NDUFS6: variants seen among roughly 807,000 people sequenced by gnomAD.
NDUFS6 encodes the protein NADH:ubiquinone oxidoreductase subunit S6, also known as NADH dehydrogenase [ubiquinone] iron-sulfur protein 6, mitochondrial.
NDUFS6 carries 14 observed loss-of-function variants against 13.2 expected under a neutral mutation model. The ratio of observed to expected loss-of-function variants is 1.06; its 90% CI spans 0.70 to 1.66. The LOEUF (loss-of-function observed/expected upper bound fraction) is 1.66, where lower values mean the gene tolerates loss of function less well. NDUFS6 is among the 40% of genes most tolerant of loss of function. The probability of loss-of-function intolerance (pLI) is 0.00; values close to 1 mark genes in which losing one functional copy is unlikely to be tolerated. For missense variants in NDUFS6, 206 were observed against 170.8 expected (o/e 1.21, Z -1.15); for synonymous variants, 95 against 72.3 (o/e 1.31, Z -1.60).
chr5:1,808,507 A>C (rs769091709), intron 2 of NDUFS6, among the ~76,000 whole-genome samples: 2 of 152,186 alleles, frequency 1.3e-5, no homozygotes, highest in Non-Finnish European at 2.9e-5. Flanking sequence ...GGAACTGTGA[A>C]TTCACGAGCC....
intron 2 of NDUFS6, among the ~76,000 whole-genome samples, chr5:1,805,420 A>C (rs1235992725): frequency 2.0e-5 from 3 of 152,274 alleles, no homozygotes; most frequent in African/African-American, 4.8e-5. Flanking sequence ...GTCTTTGCAG[A>C]AAAACAGTGG....
chr5:1,806,542 T>G (rs1400043913), intron 2 of NDUFS6, among the ~76,000 whole-genome samples: 2 of 152,214 alleles, frequency 1.3e-5, no homozygotes, highest in Non-Finnish European at 2.9e-5. Context: ...GCGTGCTGTT[T>G]TGTTGCGATA....
intron 2 of NDUFS6, among the ~76,000 whole-genome samples, chr5:1,810,695 C>T (rs1009151874): frequency 2.0e-5 from 3 of 152,140 alleles, no homozygotes; most frequent in Non-Finnish European, 4.4e-5. Context: ...AAGTAGTTGT[C>T]GGAGGGGCCA....
chr5:1,810,803 C>T (rs535110522), intron 2 of NDUFS6, among the ~76,000 whole-genome samples: 11 of 152,160 alleles, frequency 7.2e-5, no homozygotes, highest in Non-Finnish European at 1.5e-4. Flanking sequence ...CTCTGCTCTG[C>T]CTCTCCCCCG....
At chr5:1,808,585 G>A (rs888345576) in intron 2 of NDUFS6, among the ~76,000 whole-genome samples, 22 of 152,164 alleles carry the variant, frequency 1.4e-4, no homozygotes, top group African/African-American at 5.3e-4. Context: ...CCCTCATGCA[G>A]CTCCCCAGCT....
At chr5:1,804,296 G>A (rs570816304) in intron 2 of NDUFS6, among the ~76,000 whole-genome samples, 16 of 152,348 alleles carry the variant, frequency 1.1e-4, no homozygotes, top group Admixed American at 8.5e-4. Flanking sequence ...TGTCACAAAC[G>A]CCTCTCTGCT....
At chr5:1,810,747 C>T (rs190081951) in intron 2 of NDUFS6, among the ~76,000 whole-genome samples, 7 of 151,556 alleles carry the variant, frequency 4.6e-5, no homozygotes, top group East Asian at 1.9e-4. Flanking sequence ...GTGGCCAGTC[C>T]GGCTCAGCTC....
At chr5:1,815,347 C>A (rs964324782) in intron 3 of NDUFS6, among the ~76,000 whole-genome samples, 1 of 152,138 alleles carries the variant, frequency 6.6e-6, no homozygotes, top group African/African-American at 2.4e-5. Flanking sequence ...TGGTGTTCTC[C>A]CCAAAGCAGA....
At chr5:1,806,660 A>C (rs1734127602) in intron 2 of NDUFS6, among the ~76,000 whole-genome samples, 1 of 152,214 alleles carries the variant, frequency 6.6e-6, no homozygotes, top group Non-Finnish European at 1.5e-5. Flanking sequence ...AACAGAAAAC[A>C]AGCGTGGGTG....
chr5:1,802,937 CCTT>C (rs1263232305), intron 2 of NDUFS6, among the ~76,000 whole-genome samples: 2 of 151,368 alleles, frequency 1.3e-5, no homozygotes, highest in African/African-American at 2.4e-5. Flanking sequence ...TTACCTGACT[CCTT>C]CTCTATCACT....
chr5:1,812,223 C>T (rs1317247717), intron 2 of NDUFS6, among the ~76,000 whole-genome samples: 7 of 151,880 alleles, frequency 4.6e-5, no homozygotes, highest in South Asian at 2.1e-4. Context: ...ACCAGGAGCC[C>T]GCTCACCACC....
At chr5:1,809,664 C>T (rs1025698860) in intron 2 of NDUFS6, among the ~76,000 whole-genome samples, 3 of 152,226 alleles carry the variant, frequency 2.0e-5, no homozygotes, top group South Asian at 2.1e-4. Flanking sequence ...CTGCCGTGAT[C>T]GGGGCCTGGC....
Position 1,814,665 on chromosome 5 carries a change from A to G in NDUFS6, c.309+204A>G, listed in dbSNP as rs761165593. 2 of 814,918 alleles carry G rather than the reference A, an allele frequency of 2.5e-6. No individual in the cohort carries two copies. Among genetic ancestry groups the G allele is most frequent in the Non-Finnish European group, 2.0e-6 (1 of 488,112 alleles). The allele number at this position is 814,918 out of a possible 1,614,324, so 50.5% of individuals were successfully genotyped here. A position where few individuals can be genotyped will look rare whatever the true frequency, so the allele number is the denominator to read the frequency against. ...CCGCCTGTCCGAAAACCCCCTTTCA[A>G]CTGTGAAGTGGTGGGCGGCATGTTT... On this transcript the variant is annotated intron_variant, in intron 3 of 3. Coordinates refer to ENST00000274137, the MANE Select transcript of NDUFS6 (RefSeq NM_004553.6). The surrounding 1 kb of genome is among the most constrained non-coding windows in gnomAD (Gnocchi z 4.9).
intron 2 of NDUFS6, among the ~76,000 whole-genome samples, chr5:1,812,695 C>G (rs914226144): frequency 6.6e-6 from 1 of 151,310 alleles, no homozygotes; most frequent in African/African-American, 2.4e-5. Context: ...TTAGAGACCA[C>G]CATGTGGGCA....
Position 1,814,597 on chromosome 5 carries a change from G to A in NDUFS6, c.309+136G>A, listed in dbSNP as rs1172717997. 3 of 1,331,020 alleles carry A rather than the reference G, an allele frequency of 2.3e-6. No homozygotes were observed. The African/African-American group carries it at 4.4e-5, about 19-fold the overall frequency. The allele number at this position is 1,331,020 out of a possible 1,614,324, so 82.5% of individuals were successfully genotyped here. A position where few individuals can be genotyped will look rare whatever the true frequency, so the allele number is the denominator to read the frequency against. ...GGCCCTTACGGGGTTCACACTGCTGGCACATTCACCCTACAGCGCCACACT... is the reference window on the plus strand; with the variant it reads ...GGCCCTTACGGGGTTCACACTGCTGACACATTCACCCTACAGCGCCACACT... On this transcript the variant is annotated intron_variant, in intron 3 of 3. Coordinates refer to ENST00000274137, the MANE Select transcript of NDUFS6 (RefSeq NM_004553.6). The surrounding 1 kb of genome is among the most constrained non-coding windows in gnomAD (Gnocchi z 4.9).
At chr5:1,803,797 A>G (rs1277476415) in intron 2 of NDUFS6, among the ~76,000 whole-genome samples, 11 of 152,222 alleles carry the variant, frequency 7.2e-5, no homozygotes, top group Admixed American at 7.2e-4. Flanking sequence ...CGAATGGGAC[A>G]TTTCTTCCGT....
intron 2 of NDUFS6, among the ~76,000 whole-genome samples, chr5:1,802,928 T>TA (rs1734072425): frequency 6.6e-6 from 1 of 151,864 alleles, no homozygotes. Context: ...TTTTTTTTTT[T>TA]ACCTGACTCC....
In NDUFS6 at chr5:1,814,141, C is replaced by T. The variant is rs566017179; in HGVS notation, c.187-198C>T. Reference sequence around the variant, plus strand: ...CTGGGATTCTTGCAGTGCCTCTCCGCGTTTGGAACTTTATTCCAGTGAAAA... The same window carrying T: ...CTGGGATTCTTGCAGTGCCTCTCCGTGTTTGGAACTTTATTCCAGTGAAAA... On this transcript the variant is annotated intron_variant, in intron 2 of 3. Coordinates refer to ENST00000274137, the MANE Select transcript of NDUFS6 (RefSeq NM_004553.6). This position sits in a 1 kb window ranked among gnomAD's most constrained non-coding sequence, Gnocchi z 4.9. Among the ~76,000 whole-genome samples the T allele has an allele frequency of 2.0e-5, 3 of 152,298 alleles. No individual in the cohort carries two copies. Among genetic ancestry groups the T allele is most frequent in the South Asian group, 2.1e-4 (1 of 4,830 alleles).
chr5:1,815,687 G>T (rs1471145132), intron 3 of NDUFS6, among the ~76,000 whole-genome samples, 164 bp from the exon 4 acceptor site: 1 of 152,204 alleles, frequency 6.6e-6, no homozygotes, highest in Admixed American at 6.5e-5. Flanking sequence ...CAGGGGCTTC[G>T]GTCAGCCTGG....
Sources: gnomAD v4.1 joint callset for allele counts (sites outside exome capture counted in the v4.1 genomes callset) on GRCh38, gnomAD v4.1.1 for gene constraint, Gnocchi (gnomAD v3.1) non-coding constraint, MANE v1.5 for transcripts, NCBI Gene and HGNC (gene_info 2026-07-23, HGNC 2026-07-21) for gene names.